The following FBXL13 variants were observed in gnomAD, a reference collection of about 807,000 sequenced individuals.
The protein encoded by FBXL13 is F-box and leucine rich repeat protein 13.
Under a neutral mutation model 83.6 loss-of-function variants are expected in FBXL13, and 67 were observed. That is an observed-to-expected ratio of 0.80 (90% CI 0.66 to 0.98). The LOEUF (loss-of-function observed/expected upper bound fraction) is 0.98. Among genes scored for constraint, FBXL13 ranks in the 50% least tolerant of loss-of-function variants. FBXL13 has a pLI of 0.00. For synonymous variants in FBXL13, 272 were observed against 299.5 expected (o/e 0.91, Z 0.95); for missense variants, 822 against 866.5 (o/e 0.95, Z 0.64).
intron 8 of FBXL13, among the ~76,000 whole-genome samples, chr7:102,941,584 C>A (rs1255052403): frequency 6.6e-6 from 1 of 152,094 alleles, no homozygotes; most frequent in Non-Finnish European, 1.5e-5. Context: ...GTCTAGGCAG[C>A]GGGCAAGGTG....
intron 10 of FBXL13, among the ~76,000 whole-genome samples, chr7:102,917,036 A>G (rs1816032150): frequency 6.6e-6 from 1 of 152,238 alleles, no homozygotes; most frequent in African/African-American, 2.4e-5. Flanking sequence ...AAAATCACCA[A>G]GACAAGGCCT....
At chr7:102,890,150 C>T (rs528122713) in intron 11 of FBXL13, among the ~76,000 whole-genome samples, 278 of 152,206 alleles carry the variant, frequency 1.8e-3, no homozygotes, top group Middle Eastern at 6.8e-3. Context: ...ATCTTTTAGG[C>T]CAAGCAACCA....
chr7:102,934,628 T>C, intron 8 of FBXL13: 4 of 1,609,002 alleles, frequency 2.5e-6, no homozygotes, highest in Non-Finnish European at 3.4e-6. Context: ...TGAGGTGGAC[T>C]CAACTTTTTG....
chr7:102,979,077 T>C (rs1401356683), intron 6 of FBXL13, among the ~76,000 whole-genome samples: 1 of 152,242 alleles, frequency 6.6e-6, no homozygotes, highest in Non-Finnish European at 1.5e-5. Flanking sequence ...TTCCACCTAC[T>C]ATTGAAATTA....
chr7:102,977,295 C>A (rs556993463), intron 6 of FBXL13, among the ~76,000 whole-genome samples: 5 of 152,186 alleles, frequency 3.3e-5, no homozygotes, highest in African/African-American at 4.8e-5. Flanking sequence ...CGCACAACGA[C>A]AAAAACAAAT....
At chr7:103,061,625 G>T (rs1332500820) in intron 1 of FBXL13, among the ~76,000 whole-genome samples, 1 of 151,912 alleles carries the variant, frequency 6.6e-6, no homozygotes, top group Non-Finnish European at 1.5e-5. Flanking sequence ...TGACAAATAC[G>T]TGCAGCAATT....
intron 18 of FBXL13, among the ~76,000 whole-genome samples, chr7:102,830,211 A>G (rs566599802): frequency 6.6e-6 from 1 of 152,316 alleles, no homozygotes; most frequent in Admixed American, 6.5e-5. Context: ...AAAAAACCAA[A>G]GCAAACAAAC....
intron 8 of FBXL13, among the ~76,000 whole-genome samples, chr7:102,957,093 A>C (rs1054136116): frequency 2.0e-5 from 3 of 152,226 alleles, no homozygotes; most frequent in African/African-American, 7.2e-5. Flanking sequence ...CCTAAGCAAA[A>C]AGAACAAAGC....
Position 102,982,689 on chromosome 7 carries a change from A to T in FBXL13, c.496-14572T>A, listed in dbSNP as rs2411063. On this transcript the variant is annotated intron_variant, in intron 6 of 19. Coordinates refer to ENST00000313221, the Ensembl canonical transcript of FBXL13. The stretch of plus-strand genomic sequence containing the variant: ...CAAGCTCTCTTGCCTGCCACCATGT[A>T]AGATGTCCCTTTGCTATTCTTTCAT... 4.1e-3 allele frequency among the ~76,000 whole-genome samples: 631 copies of T among 152,288 alleles called. 7 individuals carry two copies. The highest frequency in any genetic ancestry group is 0.015 in the African/African-American group (603 of 41,558).
At position 103,055,840 on chromosome 7, in the gene FBXL13, G is replaced by A. The variant is rs192919781; in HGVS notation, c.-104-93C>T. 4.4e-4 allele frequency: 227 copies of A among 519,612 alleles called. 1 individual carries two copies. The highest frequency in any genetic ancestry group is 6.3e-4 in the Non-Finnish European group (198 of 314,946). The allele number at this position is 519,612 out of a possible 1,614,324, so 32.2% of individuals were successfully genotyped here. A position where few individuals can be genotyped will look rare whatever the true frequency, so the allele number is the denominator to read the frequency against. ...CTTTTTATTGTTCAATTTGTTTTGG[G>A]TTTTTTTGGTTTTTAATTATTTATT... is the stretch of plus-strand genomic sequence containing the variant. On this transcript the variant is annotated intron_variant, in intron 1 of 19. Coordinates refer to ENST00000313221, the Ensembl canonical transcript of FBXL13.
Position 103,024,833 on chromosome 7 carries a change from G to GTATATA in FBXL13, c.495+224_495+229dup, listed in dbSNP as rs1232363692. ...CATACATATATATGTATATATATGT[G>GTATATA]TATATATATATATATATATATATAT... On this transcript the variant is annotated intron_variant, in intron 6 of 19. Coordinates refer to ENST00000313221, the Ensembl canonical transcript of FBXL13. Among the ~76,000 whole-genome samples the GTATATA allele has an allele frequency of 9.1e-4, 87 of 95,956 alleles. 2 individuals are homozygous for GTATATA. The highest frequency in any genetic ancestry group is 3.6e-3 in the African/African-American group (78 of 21,686). The allele number at this position is 95,956 out of a possible 152,430, so 63.0% of individuals were successfully genotyped here.
At chr7:102,970,376 G>A (rs1048559737) in intron 6 of FBXL13, among the ~76,000 whole-genome samples, 2 of 152,046 alleles carry the variant, frequency 1.3e-5, no homozygotes, top group African/African-American at 2.4e-5. Flanking sequence ...GAAAAAAAGA[G>A]TTTGTAACCA....
intron 11 of FBXL13, among the ~76,000 whole-genome samples, chr7:102,897,452 T>G (rs903780696): frequency 6.6e-6 from 1 of 151,958 alleles, no homozygotes; most frequent in African/African-American, 2.4e-5. Flanking sequence ...AAACATAAAT[T>G]AGAGGGGTTG....
intron 6 of FBXL13, among the ~76,000 whole-genome samples, chr7:102,980,246 G>C (rs1047637235): frequency 6.6e-6 from 1 of 152,128 alleles, no homozygotes; most frequent in Admixed American, 6.6e-5. Context: ...AAAATATCAA[G>C]GTACAGGATA....
intron 8 of FBXL13, chr7:102,944,475 A>G (rs1822087584): frequency 6.2e-7 from 1 of 1,614,116 alleles, no homozygotes; most frequent in Non-Finnish European, 8.5e-7. Flanking sequence ...GTTACTATGA[A>G]GAATGCCCCA....
chr7:102,854,915 A>G, intron 16 of FBXL13, 55 bp from the exon 18 acceptor site: 3 of 973,674 alleles, frequency 3.1e-6, no homozygotes, highest in South Asian at 1.7e-5. Flanking sequence ...TATGGAATAT[A>G]TAGTTCCAAT....
chr7:102,932,872 G>T (rs906442819), intron 8 of FBXL13, among the ~76,000 whole-genome samples: 4 of 152,158 alleles, frequency 2.6e-5, no homozygotes, highest in Admixed American at 1.3e-4. Flanking sequence ...TGGGATTACA[G>T]GCATGAGCCA....
chr7:103,049,442 C>T (rs899477185), intron 2 of FBXL13, among the ~76,000 whole-genome samples: 1 of 152,116 alleles, frequency 6.6e-6, no homozygotes, highest in Non-Finnish European at 1.5e-5. Flanking sequence ...AATATTTAAG[C>T]ACTTATTTTT....
At chr7:102,942,282 T>C (rs1732998290) in intron 8 of FBXL13, 1 of 1,595,490 alleles carries the variant, frequency 6.3e-7, no homozygotes, top group African/African-American at 1.4e-5. Context: ...AGGTCTCCTA[T>C]ATTTCAGGGT....
Sources: gnomAD v4.1 joint callset for allele counts (sites outside exome capture counted in the v4.1 genomes callset) on GRCh38, gnomAD v4.1.1 for gene constraint, MANE v1.5 for transcripts, NCBI Gene and HGNC (gene_info 2026-07-23, HGNC 2026-07-21) for gene names.